PTPRK: variants seen among roughly 807,000 people sequenced by gnomAD.
The protein encoded by PTPRK is receptor-type tyrosine-protein phosphatase kappa.
A neutral mutation model predicts 178.0 loss-of-function variants in PTPRK; 75 were observed. The ratio of observed to expected loss-of-function variants is 0.42; its 90% CI spans 0.35 to 0.51. The LOEUF is 0.51. Ranked by LOEUF, PTPRK falls within the 20% of genes least tolerant of loss-of-function variation. The pLI, the probability that PTPRK is intolerant of heterozygous loss-of-function variation, is 0.02. For synonymous variants in PTPRK, 637 were observed against 620.6 expected, an observed-to-expected ratio of 1.03 and a Z score of -0.39; for missense variants, 1,441 against 1,797.8, an observed-to-expected ratio of 0.80 and a Z score of 3.59.
chr6:128,301,992 T>TTA (rs1825688873), intron 3 of PTPRK, among the ~76,000 whole-genome samples: 6 of 152,144 alleles, frequency 3.9e-5, no homozygotes, highest in Admixed American at 3.9e-4. Context: ...GAATAGCAGA[T>TTA]AATACAGATA....
chr6:128,284,661 T>C (rs1163666642), intron 3 of PTPRK, among the ~76,000 whole-genome samples: 1 of 152,236 alleles, frequency 6.6e-6, no homozygotes, highest in African/African-American at 2.4e-5. Context: ...ACAGAAAAGA[T>C]GCATTTATAG....
intron 27 of PTPRK, among the ~76,000 whole-genome samples, chr6:127,974,653 G>A (rs1016224461): frequency 1.3e-5 from 2 of 152,106 alleles, no homozygotes; most frequent in African/African-American, 2.4e-5. Flanking sequence ...TCGCAAAGAG[G>A]TCATCTCTGA....
At chr6:128,478,846 T>C (rs1851694395) in intron 1 of PTPRK, among the ~76,000 whole-genome samples, 1 of 152,126 alleles carries the variant, frequency 6.6e-6, no homozygotes, top group Non-Finnish European at 1.5e-5. Flanking sequence ...GGAAATAAAA[T>C]TCCTAAGATA....
chr6:128,287,511 C>T (rs1349025047), intron 3 of PTPRK, among the ~76,000 whole-genome samples: 1 of 152,142 alleles, frequency 6.6e-6, no homozygotes, highest in East Asian at 1.9e-4. Context: ...GAGGGACTTC[C>T]AAACTTTTAT....
At chr6:128,510,446 A>G (rs1457179004) in intron 1 of PTPRK, among the ~76,000 whole-genome samples, 2 of 152,248 alleles carry the variant, frequency 1.3e-5, no homozygotes, top group African/African-American at 4.8e-5. Flanking sequence ...TCAGATATAC[A>G]TAATAAATTT....
chr6:128,113,799 A>C (rs1443362199), intron 7 of PTPRK, among the ~76,000 whole-genome samples: 1 of 152,094 alleles, frequency 6.6e-6, no homozygotes, highest in African/African-American at 2.4e-5. Flanking sequence ...AACACCTCAC[A>C]AGGAAGAAGT....
intron 13 of PTPRK, among the ~76,000 whole-genome samples, chr6:128,015,440 G>A (rs1779499282): frequency 1.3e-5 from 2 of 151,596 alleles, no homozygotes. Flanking sequence ...AATTGGTTCT[G>A]AATTCTCCAC....
intron 7 of PTPRK, among the ~76,000 whole-genome samples, chr6:128,182,732 T>A (rs964226860): frequency 1.3e-5 from 2 of 152,174 alleles, no homozygotes; most frequent in Non-Finnish European, 2.9e-5. Context: ...TTCAGTAACA[T>A]GTTTTTATCC....
intron 14 of PTPRK, among the ~76,000 whole-genome samples, chr6:128,007,122 T>G (rs1583614528): frequency 6.6e-6 from 1 of 150,864 alleles, no homozygotes. Context: ...TAATATCCAA[T>G]GCAATGCTGC....
intron 3 of PTPRK, among the ~76,000 whole-genome samples, chr6:128,283,833 T>G (rs1822060604): frequency 6.6e-6 from 1 of 152,172 alleles, no homozygotes; most frequent in Admixed American, 6.5e-5. Context: ...TGGTATCTAT[T>G]CTTCATTTTT....
At chr6:128,021,586 G>T (rs999263621) in intron 13 of PTPRK, among the ~76,000 whole-genome samples, 3 of 152,226 alleles carry the variant, frequency 2.0e-5, no homozygotes, top group Non-Finnish European at 4.4e-5. Context: ...CTTGCAGTGA[G>T]CGGAGATTGT....
At chr6:128,285,422 G>A (rs926419598) in intron 3 of PTPRK, among the ~76,000 whole-genome samples, 1 of 151,832 alleles carries the variant, frequency 6.6e-6, no homozygotes, top group East Asian at 1.9e-4. Context: ...GGCTGAGACA[G>A]AAGAATCGCT....
intron 5 of PTPRK, among the ~76,000 whole-genome samples, chr6:128,229,851 A>C (rs1467612151): frequency 6.6e-6 from 1 of 152,230 alleles, no homozygotes; most frequent in Non-Finnish European, 1.5e-5. Flanking sequence ...ACTAGTAAAT[A>C]TAGCAAAGAT....
intron 3 of PTPRK, among the ~76,000 whole-genome samples, chr6:128,266,633 C>G (rs567792785): frequency 6.6e-6 from 1 of 152,172 alleles, no homozygotes; most frequent in East Asian, 1.9e-4. Context: ...GAGACTATAA[C>G]ACCAACATGG....
chr6:128,112,124 C>T (rs1790770074), intron 7 of PTPRK, among the ~76,000 whole-genome samples: 1 of 152,084 alleles, frequency 6.6e-6, no homozygotes, highest in African/African-American at 2.4e-5. Context: ...GGGCTAGTTA[C>T]AGATTTGCTC....
At chr6:128,254,102 T>G (rs1011549775) in intron 3 of PTPRK, among the ~76,000 whole-genome samples, 1 of 152,178 alleles carries the variant, frequency 6.6e-6, no homozygotes, top group Admixed American at 6.5e-5. Flanking sequence ...GAACTTTCCC[T>G]ACTGAAAAAA....
intron 6 of PTPRK, among the ~76,000 whole-genome samples, chr6:128,188,350 T>G (rs942756973): frequency 6.6e-6 from 1 of 152,154 alleles, no homozygotes; most frequent in Non-Finnish European, 1.5e-5. Flanking sequence ...CAAACACATG[T>G]GTCACTTAGC....
At chr6:128,472,329 C>A (rs1850789726) in intron 1 of PTPRK, among the ~76,000 whole-genome samples, 1 of 151,836 alleles carries the variant, frequency 6.6e-6, no homozygotes, top group Non-Finnish European at 1.5e-5. Context: ...CTACATGCGG[C>A]AAGTGGGTGT....
At chr6:128,345,219 G>T (rs1245683017) in intron 2 of PTPRK, among the ~76,000 whole-genome samples, 6 of 152,044 alleles carry the variant, frequency 3.9e-5, no homozygotes, top group Admixed American at 6.6e-5. Context: ...AGTCTTCAGT[G>T]AATGCTATTT....
Sources: gnomAD v4.1 joint callset for allele counts (sites outside exome capture counted in the v4.1 genomes callset) on GRCh38, gnomAD v4.1.1 for gene constraint, MANE v1.5 for transcripts, NCBI Gene and HGNC (gene_info 2026-07-23, HGNC 2026-07-21) for gene names.